ETV6: variants seen among roughly 807,000 people sequenced by gnomAD.
The protein encoded by ETV6 is transcription factor ETV6.
A neutral mutation model predicts 51.1 loss-of-function variants in ETV6; 16 were observed. The ratio of observed to expected loss-of-function variants is 0.31; its 90% CI spans 0.21 to 0.48. ETV6 has a LOEUF of 0.48. Ranked by LOEUF, ETV6 falls within the 20% of genes least tolerant of loss-of-function variation. The pLI is 0.99. For missense variants in ETV6, 458 were observed against 594.8 expected, an observed-to-expected ratio of 0.77 and a Z score of 2.39; for synonymous variants, 240 against 224.1, an observed-to-expected ratio of 1.07 and a Z score of -0.64.
At chr12:11,815,642 T>C (rs1003375135) in intron 2 of ETV6, among the ~76,000 whole-genome samples, 1 of 152,238 alleles carries the variant, frequency 6.6e-6, no homozygotes, top group African/African-American at 2.4e-5. Context: ...AATGAGATGA[T>C]GTGTTTGAGA....
At chr12:11,783,331 G>A (rs1171034311) in intron 2 of ETV6, among the ~76,000 whole-genome samples, 3 of 152,196 alleles carry the variant, frequency 2.0e-5, no homozygotes, top group African/African-American at 7.2e-5. Flanking sequence ...CAGGTAAGAT[G>A]AGGACTGAAG....
chr12:11,766,879 G>T (rs996286373), intron 2 of ETV6, among the ~76,000 whole-genome samples: 4 of 152,120 alleles, frequency 2.6e-5, no homozygotes, highest in African/African-American at 9.7e-5. Flanking sequence ...TGAATTCTTT[G>T]CTTTGTTGAA....
chr12:11,895,351 GA>G lies in ETV6; in HGVS notation c.*4309del. On this transcript the variant is annotated 3_prime_UTR_variant, in exon 8 of 8. Coordinates refer to ENST00000396373, the MANE Select transcript of ETV6 (RefSeq NM_001987.5). ...CAGTGAGTTGCAAATAATTTTTAAA[GA>G]AAAGCCTATAATTACATCATCTCAA... 4.5e-6 allele frequency: 1 copy of G among 220,528 alleles called. No homozygotes were observed. The highest frequency in any genetic ancestry group is 8.9e-6 in the Non-Finnish European group (1 of 112,232). 13.7% of individuals were successfully genotyped at this position (220,528 alleles called of 1,614,324 possible).
At chr12:11,653,786 T>G (rs1005287041) in intron 1 of ETV6, among the ~76,000 whole-genome samples, 1 of 152,128 alleles carries the variant, frequency 6.6e-6, no homozygotes, top group Admixed American at 6.5e-5. Context: ...CCTCAAATGC[T>G]TATTAATAGA....
chr12:11,769,013 A>G (rs773440070), intron 2 of ETV6: 1 of 454,136 alleles, frequency 2.2e-6, no homozygotes, highest in South Asian at 1.6e-5. Context: ...TAGTACAAAG[A>G]TAAGCAAGGA....
chr12:11,855,821 T>C (rs1339624644), intron 4 of ETV6, among the ~76,000 whole-genome samples: 4 of 152,128 alleles, frequency 2.6e-5, no homozygotes, highest in Non-Finnish European at 4.4e-5. Context: ...CCAATTCAGT[T>C]ATTCATTCTT....
intron 1 of ETV6, among the ~76,000 whole-genome samples, chr12:11,708,166 T>C (rs1040754298): frequency 2.0e-5 from 3 of 151,786 alleles, no homozygotes; most frequent in Non-Finnish European, 4.4e-5. Flanking sequence ...CCAGCCTTGA[T>C]CTCTTTAACC....
chr12:11,662,914 T>A (rs147633232), intron 1 of ETV6, among the ~76,000 whole-genome samples: 6 of 152,354 alleles, frequency 3.9e-5, no homozygotes, highest in African/African-American at 1.2e-4. Context: ...TGGACAAGAT[T>A]GTGCTTCTTT....
intron 1 of ETV6, chr12:11,751,402 G>T (rs779966786): frequency 1.2e-5 from 6 of 518,918 alleles, no homozygotes; most frequent in Non-Finnish European, 2.3e-5. Flanking sequence ...TTTGGATGTT[G>T]TGTGTTCCAT....
rs376381977 is a variant in ETV6 at position 11,885,641 on chromosome 12, A to C, written c.1153-285A>C. ...AGAGCGGTCTTGGGAAAAGGAAATA[A>C]GCGAGGCTGCTATGGGATCTGCTTT... is the stretch of plus-strand genomic sequence containing the variant. On this transcript the variant is annotated intron_variant, in intron 6 of 7. Transcript: ENST00000396373. Among the ~76,000 whole-genome samples the C allele has an allele frequency of 2.9e-3, 435 of 152,334 alleles. 4 individuals are homozygous for C. Among genetic ancestry groups the C allele is most frequent in the African/African-American group, 0.01 (423 of 41,574 alleles).
chr12:11,754,735 C>G (rs960632691), intron 2 of ETV6, among the ~76,000 whole-genome samples: 1 of 152,150 alleles, frequency 6.6e-6, no homozygotes, highest in East Asian at 1.9e-4. Context: ...AGACAGTTTC[C>G]TTATTGAGCC....
intron 7 of ETV6, among the ~76,000 whole-genome samples, chr12:11,887,295 C>T (rs1256874314): frequency 1.3e-5 from 2 of 152,178 alleles, no homozygotes; most frequent in South Asian, 4.1e-4. Flanking sequence ...TTTATCACCT[C>T]AGTGGTTAGG....
chr12:11,792,422 C>T (rs1945613087), intron 2 of ETV6, among the ~76,000 whole-genome samples: 1 of 152,204 alleles, frequency 6.6e-6, no homozygotes, highest in Non-Finnish European at 1.5e-5. Flanking sequence ...GGCGAGGTGG[C>T]TCACGCCTGT....
intron 1 of ETV6, among the ~76,000 whole-genome samples, chr12:11,697,568 C>T (rs1306367315): frequency 1.3e-5 from 2 of 152,076 alleles, no homozygotes; most frequent in African/African-American, 4.8e-5. Context: ...TTTTAAGTTT[C>T]CTAATTCTGT....
At chr12:11,684,680 T>A (rs1048590593) in intron 1 of ETV6, among the ~76,000 whole-genome samples, 1 of 152,244 alleles carries the variant, frequency 6.6e-6, no homozygotes, top group African/African-American at 2.4e-5. Flanking sequence ...CTTCAGGTTG[T>A]GTCTTTAACA....
intron 1 of ETV6, among the ~76,000 whole-genome samples, chr12:11,695,951 G>A (rs1019266296): frequency 6.6e-6 from 1 of 152,072 alleles, no homozygotes; most frequent in Non-Finnish European, 1.5e-5. Flanking sequence ...GCCTCTTGCA[G>A]TTCCTGTGGT....
chr12:11,714,510 T>G (rs554615243), intron 1 of ETV6, among the ~76,000 whole-genome samples: 164 of 152,198 alleles, frequency 1.1e-3, no homozygotes, highest in African/African-American at 3.7e-3. Flanking sequence ...AATAATTCAG[T>G]ATGACTTTAT....
intron 1 of ETV6, among the ~76,000 whole-genome samples, chr12:11,693,710 T>G (rs1437387997): frequency 2.0e-5 from 3 of 152,202 alleles, no homozygotes; most frequent in African/African-American, 7.2e-5. Context: ...CTGGTGTCCT[T>G]CAGTGCTTTC....
intron 1 of ETV6, among the ~76,000 whole-genome samples, chr12:11,704,561 A>G (rs1412245798): frequency 2.0e-5 from 3 of 152,100 alleles, no homozygotes. Context: ...TGGCCAGGCT[A>G]GTCTCAAACT....
Sources: gnomAD v4.1 joint callset for allele counts (sites outside exome capture counted in the v4.1 genomes callset) on GRCh38, gnomAD v4.1.1 for gene constraint, MANE v1.5 for transcripts, NCBI Gene and HGNC (gene_info 2026-07-23, HGNC 2026-07-21) for gene names.